RIPOR2: variants seen among roughly 807,000 people sequenced by gnomAD.
The protein encoded by RIPOR2 is RHO family interacting cell polarization regulator 2, also known as rho family-interacting cell polarization regulator 2.
A neutral mutation model predicts 114.5 loss-of-function variants in RIPOR2; 39 were observed. That is an observed-to-expected ratio of 0.34 (90% CI 0.26 to 0.44). RIPOR2 has a LOEUF of 0.44. Ranked by LOEUF, RIPOR2 falls within the 20% of genes least tolerant of loss-of-function variation. The pLI is 1.00. For missense variants in RIPOR2, 1,007 were observed against 1,255.1 expected (o/e 0.80, Z 2.99); for synonymous variants, 445 against 484.4 (o/e 0.92, Z 1.07).
intron 1 of RIPOR2, among the ~76,000 whole-genome samples, chr6:25,038,145 CATAAT>C (rs1042693753): frequency 6.6e-6 from 1 of 152,150 alleles, no homozygotes; most frequent in Admixed American, 6.5e-5. Flanking sequence ...TGAAAATTCT[CATAAT>C]AAAAAGTAAA....
intron 1 of RIPOR2, among the ~76,000 whole-genome samples, chr6:25,032,762 G>C (rs533615993): frequency 6.6e-6 from 1 of 152,186 alleles, no homozygotes; most frequent in African/African-American, 2.4e-5. Flanking sequence ...ATATTTAAGT[G>C]GTTCAGATTA....
chr6:24,887,251 G>A (rs1189870765), intron 1 of RIPOR2, among the ~76,000 whole-genome samples: 5 of 152,136 alleles, frequency 3.3e-5, no homozygotes, highest in South Asian at 2.1e-4. Context: ...TACACCCACC[G>A]TGAGAGGGGG....
rs535876631 is a variant in RIPOR2, at chr6:24,863,231, G to A, written c.651+2070C>T. On this transcript the variant is annotated intron_variant, in intron 7 of 21. Coordinates refer to ENST00000643898, the MANE Select transcript of RIPOR2 (RefSeq NM_001286445.3). ...GCCTCCCAAAGTGCTGGGATTACAG[G>A]TATAAGCCGCTGCACCCGGCCATGA... is the stretch of plus-strand genomic sequence containing the variant. Among the ~76,000 whole-genome samples, 18 of 152,266 alleles carry A rather than the reference G, an allele frequency of 1.2e-4. No individual in the cohort carries two copies. The South Asian group carries it at 2.1e-3, about 18-fold the overall frequency.
At position 24,992,733 on chromosome 6, in the gene RIPOR2, A is replaced by G. The variant is rs151121837; in HGVS notation, c.76+49118T>C. ...AACAACTATTTTAAAATTTATACAGAACTAAAAAGAGCCCTAATAGCCAAG... is the reference window on the plus strand; with the variant it reads ...AACAACTATTTTAAAATTTATACAGGACTAAAAAGAGCCCTAATAGCCAAG... On this transcript the variant is annotated intron_variant, in intron 1 of 13. Coordinates refer to the RIPOR2 transcript ENST00000510784. Among the ~76,000 whole-genome samples, 323 of 152,328 alleles carry G rather than the reference A, an allele frequency of 2.1e-3. 2 individuals are homozygous for G. The highest frequency in any genetic ancestry group is 7.4e-3 in the African/African-American group (307 of 41,572).
upstream of RIPOR2, among the ~76,000 whole-genome samples, chr6:24,937,401 G>A (rs551668855): frequency 1.2e-4 from 18 of 152,226 alleles, no homozygotes; most frequent in South Asian, 2.1e-3. Flanking sequence ...TACCAATAAT[G>A]CCCACCTTGA....
At chr6:24,807,042 AT>A (rs759084661) in intron 21 of RIPOR2, among the ~76,000 whole-genome samples, 1 of 152,232 alleles carries the variant, frequency 6.6e-6, no homozygotes, top group African/African-American at 2.4e-5. Context: ...AATAATTTTA[AT>A]GTTTTGTTCT....
intron 1 of RIPOR2, among the ~76,000 whole-genome samples, chr6:25,034,347 G>T (rs1777140869): frequency 6.6e-6 from 1 of 152,138 alleles, no homozygotes; most frequent in African/African-American, 2.4e-5. Flanking sequence ...TAAGGGGTGT[G>T]TATATAGTTA....
At chr6:24,811,535 CCTT>C (rs1207495333) in intron 20 of RIPOR2, among the ~76,000 whole-genome samples, 25 of 152,068 alleles carry the variant, frequency 1.6e-4, no homozygotes, top group African/African-American at 6.0e-4. Flanking sequence ...CTGCACCTGG[CCTT>C]CTCTCATTCT....
chr6:24,952,225 C>T (rs1344292289), intron 1 of RIPOR2, among the ~76,000 whole-genome samples: 1 of 152,178 alleles, frequency 6.6e-6, no homozygotes, highest in African/African-American at 2.4e-5. Flanking sequence ...AATGCCCCAC[C>T]TAGCCAACAT....
chr6:24,979,283 CT>C (rs60372040), intron 1 of RIPOR2, among the ~76,000 whole-genome samples: 6,723 of 99,384 alleles, frequency 0.068, 244 homozygotes, highest in African/African-American at 0.2. Context: ...TAGGGAAATT[CT>C]TTTTTTTTTT....
intron 1 of RIPOR2, chr6:25,023,900 G>C (rs1776464276): frequency 1.4e-6 from 1 of 722,250 alleles, no homozygotes; most frequent in Non-Finnish European, 2.6e-6. Flanking sequence ...TGGTTCTTGG[G>C]GTTCTCCAGG....
At chr6:24,983,814 G>C (rs75011926) in intron 1 of RIPOR2, among the ~76,000 whole-genome samples, 8,925 of 146,560 alleles carry the variant, frequency 0.061, 908 homozygotes, top group African/African-American at 0.21. Flanking sequence ...CTGAGCACCT[G>C]GCTGCCTGGA....
chr6:24,853,110 A>T (rs1270798740), intron 8 of RIPOR2, among the ~76,000 whole-genome samples: 1 of 152,072 alleles, frequency 6.6e-6, no homozygotes, highest in African/African-American at 2.4e-5. Flanking sequence ...TGTTTTCTTT[A>T]TCCTTTTTAT....
intron 1 of RIPOR2, among the ~76,000 whole-genome samples, chr6:24,985,509 A>G (rs1252899025): frequency 1.3e-5 from 2 of 152,208 alleles, no homozygotes; most frequent in African/African-American, 4.8e-5. Context: ...AGTGGATTAT[A>G]AACCTGAGAA....
intron 17 of RIPOR2, 94 bp downstream of exon 17, chr6:24,830,415 C>G: frequency 9.9e-7 from 1 of 1,012,266 alleles, no homozygotes; most frequent in Non-Finnish European, 1.5e-6. Flanking sequence ...CATCTGCAGG[C>G]AAGTGGTAGG....
rs550314595 is a variant in RIPOR2 at position 24,836,006 on chromosome 6, A to T, written c.2040-135T>A. 3.9e-6 allele frequency: 3 copies of T among 778,576 alleles called. No homozygotes were observed. In the Admixed American group the frequency reaches 8.5e-5, roughly 22 times the overall value. The allele number at this position is 778,576 out of a possible 1,614,324, so 48.2% of individuals were successfully genotyped here. A position where few individuals can be genotyped will look rare whatever the true frequency, so the allele number is the denominator to read the frequency against. On this transcript the variant is annotated intron_variant, in intron 14 of 21. Transcript: ENST00000643898. ...CACTTGCCTATCTTGAAAAATAGAG[A>T]CACCTTTAAAAAATTACTTAATTCA...
At chr6:24,867,303 A>T (rs1385246927) in intron 6 of RIPOR2, among the ~76,000 whole-genome samples, 1 of 152,226 alleles carries the variant, frequency 6.6e-6, no homozygotes, top group Non-Finnish European at 1.5e-5. Flanking sequence ...CCGTGCTTTA[A>T]AGCTAAGCCT....
chr6:24,992,181 AC>A (rs1774853483), intron 1 of RIPOR2, among the ~76,000 whole-genome samples: 2 of 152,326 alleles, frequency 1.3e-5, no homozygotes, highest in South Asian at 2.1e-4. Flanking sequence ...AAAACAAGGT[AC>A]TATAGGAGGA....
At position 24,907,982 on chromosome 6, in the gene RIPOR2, C is replaced by T. The variant is rs184823316; in HGVS notation, c.61+27856G>A. On this transcript the variant is annotated intron_variant, in intron 1 of 21. Transcript: ENST00000643898. ...GTACCTCCTCTCCCCACCCCCACCC[C>T]ACCCCAATTCCCTTGCTCCATTGTC... Among the ~76,000 whole-genome samples the T allele has an allele frequency of 2.1e-4, 32 of 151,598 alleles. No individual in the cohort carries two copies. The East Asian group carries it at 6.2e-3, about 29-fold the overall frequency.
Sources: allele counts gnomAD v4.1 joint callset (sites outside exome capture counted in the v4.1 genomes callset), GRCh38; gene constraint gnomAD v4.1.1; transcripts MANE v1.5; gene names NCBI Gene and HGNC (gene_info 2026-07-23, HGNC 2026-07-21).